The following ZMYM4 variants were observed in gnomAD, a reference collection of about 807,000 sequenced individuals.
The protein encoded by ZMYM4 is zinc finger MYM-type protein 4.
Under a neutral mutation model 183.2 loss-of-function variants are expected in ZMYM4, and 31 were observed. The ratio of observed to expected loss-of-function variants is 0.17; its 90% CI spans 0.13 to 0.23. The LOEUF (loss-of-function observed/expected upper bound fraction) is 0.23. ZMYM4 is among the 10% of genes least tolerant of loss of function. ZMYM4 has a pLI of 1.00. For missense variants in ZMYM4, 1,273 were observed against 1,840.3 expected, an observed-to-expected ratio of 0.69 and a Z score of 5.64; for synonymous variants, 592 against 631.2, an observed-to-expected ratio of 0.94 and a Z score of 0.93.
intron 9 of ZMYM4, 115 bp from the exon 10 acceptor site, chr1:35,385,327 A>G: frequency 1.7e-6 from 2 of 1,149,006 alleles, no homozygotes; most frequent in South Asian, 3.1e-5. Flanking sequence ...CAATCATAAA[A>G]GTTTGAAAAT....
intron 1 of ZMYM4, among the ~76,000 whole-genome samples, chr1:35,279,873 C>T (rs536463099): frequency 1.3e-5 from 2 of 152,220 alleles, no homozygotes; most frequent in Non-Finnish European, 2.9e-5. Context: ...TGATATGAAC[C>T]AAAATGTTCA....
At chr1:35,403,308 C>G (rs777565356) in intron 23 of ZMYM4, among the ~76,000 whole-genome samples, 2 of 152,068 alleles carry the variant, frequency 1.3e-5, no homozygotes, top group Non-Finnish European at 2.9e-5. Context: ...TGTTTTGAGA[C>G]AGAGTCTCAC....
rs1640263426 is a variant in ZMYM4, at chr1:35,419,765, A to G, written c.*88A>G. On this transcript the variant is annotated 3_prime_UTR_variant, in exon 30 of 30. Transcript: ENST00000314607. ...CTGTTGGAAAATGATGTATAAGTCT[A>G]AGTCCTCTTGACTTGACCATAAGAT... 1 of 1,351,870 alleles carries G rather than the reference A, an allele frequency of 7.4e-7. No homozygotes were observed. The highest frequency in any genetic ancestry group is 1.0e-6 in the Non-Finnish European group (1 of 966,602). The allele number at this position is 1,351,870 out of a possible 1,614,324, so 83.7% of individuals were successfully genotyped here.
intron 1 of ZMYM4, among the ~76,000 whole-genome samples, chr1:35,278,896 A>G (rs1640007716): frequency 6.6e-6 from 1 of 152,208 alleles, no homozygotes; most frequent in Non-Finnish European, 1.5e-5. Flanking sequence ...CTGCTTCCAA[A>G]ATACAATGAT....
chr1:35,402,920 GTGAGAGCAGACCTTTT>G (rs1644936731), intron 23 of ZMYM4, among the ~76,000 whole-genome samples: 1 of 152,124 alleles, frequency 6.6e-6, no homozygotes, highest in Non-Finnish European at 1.5e-5. Context: ...AATATTAGTA[GTGAGAGCAGACCTTTT>G]TGCCTTATTC....
chr1:35,390,556 C>G (rs189935335), intron 15 of ZMYM4, among the ~76,000 whole-genome samples: 2 of 152,200 alleles, frequency 1.3e-5, no homozygotes, highest in Non-Finnish European at 2.9e-5. Flanking sequence ...GCCATTTTCA[C>G]TTCTTTTGTG....
At position 35,292,129 on chromosome 1, in the gene ZMYM4, T is replaced by C. The variant is rs1557928814; in HGVS notation, c.39+23044T>C. On this transcript the variant is annotated intron_variant, in intron 1 of 29. Transcript: ENST00000314607. Reference sequence around the variant, plus strand: ...ATTTAATTTTCTAGAAATCAGCAGATAGATAGCATCAGAAGACCTAAGAGA... The same window carrying C: ...ATTTAATTTTCTAGAAATCAGCAGACAGATAGCATCAGAAGACCTAAGAGA... 4 of 152,150 alleles carry C rather than the reference T, an allele frequency of 2.6e-5. No homozygotes were observed. The South Asian group carries it at 8.3e-4, about 32-fold the overall frequency. 9.4% of individuals were successfully genotyped at this position (152,150 alleles called of 1,614,324 possible). A position where few individuals can be genotyped will look rare whatever the true frequency, so the allele number is the denominator to read the frequency against.
intron 1 of ZMYM4, among the ~76,000 whole-genome samples, chr1:35,276,578 G>A (rs141230490): frequency 3.9e-5 from 6 of 152,054 alleles, no homozygotes; most frequent in African/African-American, 1.4e-4. Flanking sequence ...TGTTTCTTAA[G>A]TTTTTCTTAA....
intron 1 of ZMYM4, among the ~76,000 whole-genome samples, chr1:35,285,578 A>G (rs921222497): frequency 2.0e-5 from 3 of 152,088 alleles, no homozygotes; most frequent in African/African-American, 7.2e-5. Flanking sequence ...GGACCAGAGG[A>G]AAAAAAATAC....
At chr1:35,360,545 A>C (rs1468536428) in intron 3 of ZMYM4, among the ~76,000 whole-genome samples, 4 of 152,116 alleles carry the variant, frequency 2.6e-5, no homozygotes, top group Admixed American at 2.6e-4. Flanking sequence ...AATTCAGTAT[A>C]TATTTCCAAT....
At chr1:35,348,374 G>A (rs1005245404) in intron 2 of ZMYM4, among the ~76,000 whole-genome samples, 7 of 152,126 alleles carry the variant, frequency 4.6e-5, no homozygotes, top group African/African-American at 1.7e-4. Context: ...GTATTTCTGT[G>A]TGTACACAAA....
chr1:35,317,917 CAAAG>C (rs1478168539), intron 1 of ZMYM4, among the ~76,000 whole-genome samples: 1 of 151,992 alleles, frequency 6.6e-6, no homozygotes. Context: ...AATGTTGTAA[CAAAG>C]AGACGAATGT....
At chr1:35,344,432 A>G (rs1437800556) in intron 2 of ZMYM4, among the ~76,000 whole-genome samples, 2 of 152,092 alleles carry the variant, frequency 1.3e-5, no homozygotes, top group Non-Finnish European at 2.9e-5. Context: ...TTAGGGGGAA[A>G]GTATTCAGTC....
intron 5 of ZMYM4, among the ~76,000 whole-genome samples, chr1:35,366,310 C>G (rs961354370): frequency 1.3e-5 from 2 of 152,054 alleles, no homozygotes; most frequent in Admixed American, 6.6e-5. Flanking sequence ...TACTTCAGAT[C>G]AGTAACAGTT....
chr1:35,390,156 C>A (rs1644673273), intron 15 of ZMYM4, 58 bp downstream of exon 15: 2 of 1,541,660 alleles, frequency 1.3e-6, no homozygotes, highest in South Asian at 2.5e-5. Context: ...AACTACTGTT[C>A]TTTTACAGAT....
chr1:35,384,529 C>T (rs775204070), intron 9 of ZMYM4, among the ~76,000 whole-genome samples: 1 of 152,076 alleles, frequency 6.6e-6, no homozygotes, highest in African/African-American at 2.4e-5. Context: ...CTTAAGATAA[C>T]GGACTCTGGT....
In ZMYM4 at chr1:35,393,715, A is replaced by G. The variant is rs1644751563; in HGVS notation, c.2887A>G (p.Thr963Ala). 3.1e-6 allele frequency: 5 copies of G among 1,609,216 alleles called. No homozygotes were observed. The East Asian group carries it at 1.1e-4, about 36-fold the overall frequency. Residue 963 changes from threonine (T) to alanine (A), a missense_variant, in exon 18 of 30, where the codon ACC becomes GCC. Physicochemically the swap from Thr to Ala is moderately conservative, Grantham distance 58. Transcript: ENST00000314607. Reference protein sequence around the residue: ...QTKATSCKPHTQNKECQTEDT... With the variant: ...QTKATSCKPHAQNKECQTEDT... ...TAAAGCCACCTCTTGCAAACCACATACCCAAAACAAAGAATGCCAGACAGG... is the reference window on the plus strand; with the variant it reads ...TAAAGCCACCTCTTGCAAACCACATGCCCAAAACAAAGAATGCCAGACAGG...
intron 2 of ZMYM4, among the ~76,000 whole-genome samples, chr1:35,328,363 C>T (rs1453836865): frequency 6.6e-6 from 1 of 152,040 alleles, no homozygotes; most frequent in Non-Finnish European, 1.5e-5. Context: ...CTCACTACAA[C>T]CTTGAACTCC....
intron 7 of ZMYM4, among the ~76,000 whole-genome samples, chr1:35,376,659 G>A (rs1322138900): frequency 1.3e-5 from 2 of 151,960 alleles, no homozygotes; most frequent in African/African-American, 4.8e-5. Flanking sequence ...GAGTAGCTGG[G>A]ACTACAGGCA....
Sources: allele counts gnomAD v4.1 joint callset (sites outside exome capture counted in the v4.1 genomes callset), GRCh38; gene constraint gnomAD v4.1.1; transcripts MANE v1.5; gene names NCBI Gene and HGNC (gene_info 2026-07-23, HGNC 2026-07-21).